The following PDCD1LG2 variants were observed in gnomAD, a reference collection of about 807,000 sequenced individuals.
The protein encoded by PDCD1LG2 is B7 dendritic cell molecule.
A neutral mutation model predicts 28.2 loss-of-function variants in PDCD1LG2; 32 were observed. The ratio of observed to expected loss-of-function variants is 1.13; its 90% CI spans 0.86 to 1.52. The LOEUF (loss-of-function observed/expected upper bound fraction) is 1.52. Among genes scored for constraint, PDCD1LG2 ranks in the 40% most tolerant of loss-of-function variants. The pLI is 0.00. For missense variants in PDCD1LG2, 385 were observed against 323.8 expected (o/e 1.19, Z -1.45); for synonymous variants, 116 against 120.2 (o/e 0.97, Z 0.23).
At chr9:5,544,331 A>T (rs1344360083) in intron 3 of PDCD1LG2, among the ~76,000 whole-genome samples, 1 of 152,234 alleles carries the variant, frequency 6.6e-6, no homozygotes, top group Admixed American at 6.5e-5. Context: ...AATGGAGCCC[A>T]GGGATTAAAG....
At chr9:5,564,430 T>G (rs374783724) in intron 6 of PDCD1LG2, among the ~76,000 whole-genome samples, 29 of 152,308 alleles carry the variant, frequency 1.9e-4, no homozygotes, top group South Asian at 1.7e-3. Context: ...CCAAAATGAT[T>G]TAACAAAATC....
Position 5,570,897 on chromosome 9 carries a change from A to C in PDCD1LG2, c.*938A>C. The C allele has an allele frequency of 4.3e-6, 1 of 232,738 alleles. No individual in the cohort carries two copies. Among genetic ancestry groups the C allele is most frequent in the South Asian group, 1.8e-4 (1 of 5,528 alleles). 14.4% of individuals were successfully genotyped at this position (232,738 alleles called of 1,614,324 possible). A position where few individuals can be genotyped will look rare whatever the true frequency, so the allele number is the denominator to read the frequency against. On this transcript the variant is annotated 3_prime_UTR_variant, in exon 7 of 7. Coordinates refer to ENST00000397747, the MANE Select transcript of PDCD1LG2 (RefSeq NM_025239.4). ...TGTAATACAGCAATGCTAAGTAGTC[A>C]AGGCCTTTGATAATTGGCACTATGG...
chr9:5,558,238 T>A, intron 5 of PDCD1LG2, among the ~76,000 whole-genome samples: 1 of 152,152 alleles, frequency 6.6e-6, no homozygotes, highest in African/African-American at 2.4e-5. Flanking sequence ...TGTGAGGCCA[T>A]TTGGGGATAA....
Position 5,549,563 on chromosome 9 carries a change from C to G in PDCD1LG2, c.590C>G (p.Thr197Ser), listed in dbSNP as rs1023826544. 3.1e-6 allele frequency: 5 copies of G among 1,614,104 alleles called. No individual in the cohort carries two copies. Among genetic ancestry groups the G allele is most frequent in the East Asian group, 2.2e-5 (1 of 44,906 alleles). The change falls in exon 4 of 7, where the codon ACT (threonine) becomes AGT (serine). Residue 197 changes from threonine (T) to serine (S), a missense_variant. Transcript: ENST00000397747. ...GRNFSCVFWN[T>S]HVRELTLASI... Reference sequence around the variant, plus strand: ...AACTTCAGCTGTGTGTTCTGGAATACTCACGTGAGGGAACTTACTTTGGCC... The same window carrying G: ...AACTTCAGCTGTGTGTTCTGGAATAGTCACGTGAGGGAACTTACTTTGGCC...
At chr9:5,563,735 G>A (rs972436937) in intron 6 of PDCD1LG2, among the ~76,000 whole-genome samples, 10 of 152,188 alleles carry the variant, frequency 6.6e-5, no homozygotes, top group African/African-American at 2.4e-4. Context: ...AGGGGAAGCA[G>A]CACATGATTG....
chr9:5,565,926 T>TA (rs1699873469), intron 6 of PDCD1LG2, among the ~76,000 whole-genome samples: 1 of 152,064 alleles, frequency 6.6e-6, no homozygotes, highest in African/African-American at 2.4e-5. Flanking sequence ...AAATAAAAAA[T>TA]AAAAAAGTAT....
At chr9:5,553,097 G>C (rs1816369921) in intron 4 of PDCD1LG2, among the ~76,000 whole-genome samples, 1 of 152,074 alleles carries the variant, frequency 6.6e-6, no homozygotes, top group South Asian at 2.1e-4. Flanking sequence ...GGGCAACCGA[G>C]TGAGACTCTG....
chr9:5,556,104 A>G (rs760849817), intron 4 of PDCD1LG2, among the ~76,000 whole-genome samples: 10 of 152,140 alleles, frequency 6.6e-5, no homozygotes, highest in Non-Finnish European at 1.5e-4. Context: ...CCCTCCAAAT[A>G]CAGTCTAAGC....
chr9:5,539,617 T>A (rs1820651187), intron 3 of PDCD1LG2, among the ~76,000 whole-genome samples: 1 of 152,146 alleles, frequency 6.6e-6, no homozygotes, highest in Non-Finnish European at 1.5e-5. Context: ...GGGCAATCCA[T>A]CTGAGGAAGG....
intron 4 of PDCD1LG2, among the ~76,000 whole-genome samples, chr9:5,552,872 T>C (rs1022335360): frequency 6.6e-6 from 1 of 152,198 alleles, no homozygotes; most frequent in Non-Finnish European, 1.5e-5. Context: ...ACACTAAAGT[T>C]AGCCCAACTT....
intron 2 of PDCD1LG2, among the ~76,000 whole-genome samples, chr9:5,532,999 A>T (rs1056206574): frequency 1.3e-5 from 2 of 152,236 alleles, no homozygotes; most frequent in African/African-American, 4.8e-5. Context: ...ATCCTGAGTC[A>T]GCATTTGAAC....
chr9:5,564,348 A>G (rs1816622900), intron 6 of PDCD1LG2, among the ~76,000 whole-genome samples: 2 of 152,184 alleles, frequency 1.3e-5, no homozygotes, highest in South Asian at 2.1e-4. Context: ...AGAATCTACC[A>G]CTCTAAGTAT....
At position 5,566,394 on chromosome 9, in the gene PDCD1LG2, A is replaced by T. The variant is rs149019055; in HGVS notation, c.816+3183A>T. On this transcript the variant is annotated intron_variant, in intron 6 of 6. Coordinates refer to ENST00000397747, the MANE Select transcript of PDCD1LG2 (RefSeq NM_025239.4). ...GCCTTTGTGCACATGATAGAATTGC[A>T]CTTCTCTGTGATTAATTTGTAGTTA... 1.1e-3 allele frequency among the ~76,000 whole-genome samples: 164 copies of T among 152,248 alleles called. 1 individual carries two copies. The Middle Eastern group carries it at 0.024, about 22-fold the overall frequency.
chr9:5,523,376 C>G (rs945825014), intron 2 of PDCD1LG2, among the ~76,000 whole-genome samples: 1 of 152,176 alleles, frequency 6.6e-6, no homozygotes, highest in African/African-American at 2.4e-5. Flanking sequence ...AGCCCCAGCC[C>G]CATGGGAAAT....
chr9:5,561,120 G>T (rs770088287), intron 5 of PDCD1LG2, among the ~76,000 whole-genome samples: 1 of 152,160 alleles, frequency 6.6e-6, no homozygotes, highest in East Asian at 1.9e-4. Flanking sequence ...ATATGCAGGT[G>T]AGTATGCTAG....
chr9:5,550,272 C>T (rs1232022231), intron 4 of PDCD1LG2, among the ~76,000 whole-genome samples: 1 of 152,128 alleles, frequency 6.6e-6, no homozygotes, highest in Non-Finnish European at 1.5e-5. Context: ...GAAGGGATCC[C>T]ATACTTTTGA....
Position 5,571,135 on chromosome 9 carries a change from G to T in PDCD1LG2, c.*1176G>T, listed in dbSNP as rs1816760214. The T allele has an allele frequency of 8.6e-6, 2 of 232,596 alleles. No individual in the cohort carries two copies. The highest frequency in any genetic ancestry group is 1.7e-5 in the Non-Finnish European group (2 of 117,730). 14.4% of individuals were successfully genotyped at this position (232,596 alleles called of 1,614,324 possible). On this transcript the variant is annotated 3_prime_UTR_variant, in exon 7 of 7. Transcript: ENST00000397747. ...GCTCCTTAACTGAGCAAAATTTGGG[G>T]CTTATGAGAATGAAAGGGTGTGAAA...
intron 3 of PDCD1LG2, among the ~76,000 whole-genome samples, chr9:5,540,781 C>T (rs1363489142): frequency 6.6e-6 from 1 of 152,062 alleles, no homozygotes; most frequent in African/African-American, 2.4e-5. Flanking sequence ...TTCTATCAGA[C>T]ATTCAAAGAA....
At chr9:5,528,746 A>AT (rs745472124) in intron 2 of PDCD1LG2, among the ~76,000 whole-genome samples, 3 of 152,014 alleles carry the variant, frequency 2.0e-5, no homozygotes, top group Non-Finnish European at 2.9e-5. Context: ...AAAATTCTCT[A>AT]TTTTTTTGAG....
Sources: gnomAD v4.1 joint callset for allele counts (sites outside exome capture counted in the v4.1 genomes callset) on GRCh38, gnomAD v4.1.1 for gene constraint, MANE v1.5 for transcripts, NCBI Gene and HGNC (gene_info 2026-07-23, HGNC 2026-07-21) for gene names.